The following DLC1 variants were observed in gnomAD, a reference collection of about 807,000 sequenced individuals.
DLC1 encodes rho GTPase-activating protein 7.
Under a neutral mutation model 140.3 loss-of-function variants are expected in DLC1, and 54 were observed. The observed-to-expected ratio is 0.38, with a 90% confidence interval of 0.31 to 0.48. DLC1 has a LOEUF of 0.48. DLC1 is among the 20% of genes least tolerant of loss of function. The pLI is 0.96. For synonymous variants in DLC1, 986 were observed against 728.1 expected, an observed-to-expected ratio of 1.35 and a Z score of -5.70; for missense variants, 2,536 against 1,907.0, an observed-to-expected ratio of 1.33 and a Z score of -6.14.
At chr8:13,582,878 C>CTATATATATATATATA (rs55681527) in intron 1 of DLC1, among the ~76,000 whole-genome samples, 2 of 103,058 alleles carry the variant, frequency 1.9e-5, no homozygotes, top group South Asian at 3.1e-4. Context: ...ATACTGTGGT[C>CTATATATATATATATA]TATATATATA....
At chr8:13,171,601 T>C (rs1041240849) in intron 5 of DLC1, among the ~76,000 whole-genome samples, 12 of 152,102 alleles carry the variant, frequency 7.9e-5, no homozygotes, top group African/African-American at 2.9e-4. Flanking sequence ...TTGTCCAGGC[T>C]GGTCTCAAAC....
chr8:13,336,258 CT>C (rs1833807323), intron 4 of DLC1, among the ~76,000 whole-genome samples: 1 of 151,766 alleles, frequency 6.6e-6, no homozygotes, highest in South Asian at 2.1e-4. Context: ...AAACCCAGTC[CT>C]AAGGTGAAAG....
intron 2 of DLC1, among the ~76,000 whole-genome samples, chr8:13,409,120 G>T (rs1837683213): frequency 6.6e-6 from 1 of 151,796 alleles, no homozygotes; most frequent in Non-Finnish European, 1.5e-5. Flanking sequence ...CAATCATCCT[G>T]AGTCCAACAA....
chr8:13,529,945 A>T, intron 1 of DLC1, among the ~76,000 whole-genome samples: 1 of 152,216 alleles, frequency 6.6e-6, no homozygotes, highest in East Asian at 1.9e-4. Context: ...AGGAAATTAC[A>T]TGTAAGCATT....
chr8:13,324,920 T>C (rs1049619044), intron 4 of DLC1, among the ~76,000 whole-genome samples: 2 of 152,184 alleles, frequency 1.3e-5, no homozygotes, highest in African/African-American at 4.8e-5. Flanking sequence ...GACAACACTT[T>C]GGTGATACTG....
At chr8:13,322,571 A>G (rs1419933300) in intron 4 of DLC1, among the ~76,000 whole-genome samples, 1 of 152,232 alleles carries the variant, frequency 6.6e-6, no homozygotes, top group African/African-American at 2.4e-5. Context: ...TAAGAAGGTT[A>G]AACACTTTAG....
chr8:13,571,935 A>C (rs542424582), intron 1 of DLC1, among the ~76,000 whole-genome samples: 1 of 152,084 alleles, frequency 6.6e-6, no homozygotes. Context: ...TTGTACTTTG[A>C]CTTATAATTT....
At chr8:13,242,699 A>G (rs187387456) in intron 5 of DLC1, among the ~76,000 whole-genome samples, 2 of 152,266 alleles carry the variant, frequency 1.3e-5, no homozygotes, top group East Asian at 3.9e-4. Flanking sequence ...GGTCTCCTCA[A>G]TAGGTTTACA....
intron 1 of DLC1, among the ~76,000 whole-genome samples, chr8:13,510,296 C>A (rs978169079): frequency 5.3e-5 from 8 of 151,862 alleles, no homozygotes; most frequent in African/African-American, 1.9e-4. Flanking sequence ...GCCTCAGCCT[C>A]CTGAGCAGCT....
intron 5 of DLC1, among the ~76,000 whole-genome samples, chr8:13,242,998 GGTGA>G (rs1563192586): frequency 6.6e-6 from 1 of 151,932 alleles, no homozygotes; most frequent in Admixed American, 6.6e-5. Flanking sequence ...TTCTCGTGAT[GGTGA>G]GTGAGTTCTC....
At chr8:13,599,467 T>C (rs143462322) in intron 1 of DLC1, among the ~76,000 whole-genome samples, 319 of 152,132 alleles carry the variant, frequency 2.1e-3, no homozygotes, top group Middle Eastern at 0.014. Context: ...TTTGTGTTAG[T>C]TAAAATATTC....
At position 13,100,408 on chromosome 8, in the gene DLC1, G is replaced by A. The variant is rs374674327; in HGVS notation, c.1929C>T (p.Pro643=). ...NDDSFGSLPS[P]KELSSFSFSM... ...TGAAGCTGAAGCTGGACAGTTCCTT[G>A]GGAGAGGGCAGGCTGCCGAAAGAGT... The change falls in exon 9 of 18, where the codon CCC becomes CCT. Residue 643 remains proline (P), a synonymous_variant. Transcript: ENST00000276297. 159 of 1,614,018 alleles carry A rather than the reference G, an allele frequency of 9.9e-5. No homozygotes were observed. Among genetic ancestry groups the A allele is most frequent in the Middle Eastern group, 1.6e-4 (1 of 6,084 alleles).
intron 1 of DLC1, among the ~76,000 whole-genome samples, chr8:13,531,271 T>C (rs746907889): frequency 6.6e-6 from 1 of 152,196 alleles, no homozygotes; most frequent in Admixed American, 6.5e-5. Flanking sequence ...GCATTTTACA[T>C]TGAGTTACAT....
At chr8:13,197,616 G>A (rs979163485) in intron 5 of DLC1, among the ~76,000 whole-genome samples, 1 of 152,014 alleles carries the variant, frequency 6.6e-6, no homozygotes, top group African/African-American at 2.4e-5. Context: ...AAAGTGCTGG[G>A]ATTACAGGTG....
intron 5 of DLC1, among the ~76,000 whole-genome samples, chr8:13,301,980 A>G (rs946050359): frequency 2.6e-5 from 4 of 152,226 alleles, no homozygotes; most frequent in South Asian, 2.1e-4. Context: ...TGAGGCATAC[A>G]GACTCCAGCG....
chr8:13,195,048 T>C (rs1020929816), intron 5 of DLC1, among the ~76,000 whole-genome samples: 3 of 151,956 alleles, frequency 2.0e-5, no homozygotes, highest in Non-Finnish European at 4.4e-5. Flanking sequence ...AAAACCAAAC[T>C]CTCCTTTAAA....
chr8:13,596,213 T>G (rs534892544), intron 1 of DLC1, among the ~76,000 whole-genome samples: 12 of 152,150 alleles, frequency 7.9e-5, no homozygotes, highest in Non-Finnish European at 1.6e-4. Context: ...AATTTTGTTC[T>G]TTATAGAAAG....
At chr8:13,474,161 C>A (rs910064052) in intron 2 of DLC1, among the ~76,000 whole-genome samples, 1 of 152,142 alleles carries the variant, frequency 6.6e-6, no homozygotes, top group African/African-American at 2.4e-5. Context: ...ATGCTGTGTG[C>A]AGTCTGGGGA....
At chr8:13,257,891 T>A (rs1830312744) in intron 5 of DLC1, among the ~76,000 whole-genome samples, 1 of 152,210 alleles carries the variant, frequency 6.6e-6, no homozygotes, top group Non-Finnish European at 1.5e-5. Context: ...GTATGCATTT[T>A]ATCAAAGCAA....
Sources: gnomAD v4.1 joint callset for allele counts (sites outside exome capture counted in the v4.1 genomes callset) on GRCh38, gnomAD v4.1.1 for gene constraint, MANE v1.5 for transcripts, NCBI Gene and HGNC (gene_info 2026-07-23, HGNC 2026-07-21) for gene names.